The following CPE variants were observed in gnomAD, a reference collection of about 807,000 sequenced individuals.
CPE encodes the protein carboxypeptidase E.
In CPE, 17 loss-of-function variants were observed where a neutral mutation model predicts 53.5. That is an observed-to-expected ratio of 0.32 (90% confidence interval 0.22 to 0.48). The LOEUF is 0.48. Among genes scored for constraint, CPE ranks in the 20% least tolerant of loss-of-function variants. CPE has a pLI of 0.99. For synonymous variants in CPE, 226 were observed against 228.8 expected (o/e 0.99, Z 0.11); for missense variants, 524 against 614.7 (o/e 0.85, Z 1.56).
chr4:165,468,195 AC>A (rs1732142151), intron 3 of CPE, among the ~76,000 whole-genome samples: 1 of 152,086 alleles, frequency 6.6e-6, no homozygotes, highest in African/African-American at 2.4e-5. Context: ...CTTTTCCAGA[AC>A]TTTCTCCTCC....
At chr4:165,457,301 A>G (rs1731918331) in intron 1 of CPE, among the ~76,000 whole-genome samples, 1 of 152,366 alleles carries the variant, frequency 6.6e-6, no homozygotes, top group Non-Finnish European at 1.5e-5. Flanking sequence ...GAAATAGTCA[A>G]TGCTACAAAT....
chr4:165,398,339 T>C lies in CPE; in HGVS notation c.307+18811T>C, dbSNP rs1305177151. On this transcript the variant is annotated intron_variant, in intron 1 of 8. Transcript: ENST00000402744. Reference sequence around the variant, plus strand: ...ACAACTGCTAATATATACACATATATACACACACATATACACATGCATACA... The same window carrying C: ...ACAACTGCTAATATATACACATATACACACACACATATACACATGCATACA... Among the ~76,000 whole-genome samples, 3 of 152,130 alleles carry C rather than the reference T, an allele frequency of 2.0e-5. No individual in the cohort carries two copies. In the East Asian group the frequency reaches 5.8e-4, roughly 29 times the overall value.
chr4:165,475,724 CT>C, intron 3 of CPE, among the ~76,000 whole-genome samples: 1 of 152,248 alleles, frequency 6.6e-6, no homozygotes, highest in Admixed American at 6.5e-5. Flanking sequence ...CAGTGTTAGG[CT>C]TTAGTTCTAC....
intron 1 of CPE, among the ~76,000 whole-genome samples, chr4:165,458,477 G>A (rs924838688): frequency 2.0e-5 from 3 of 152,118 alleles, no homozygotes; most frequent in Non-Finnish European, 4.4e-5. Context: ...TTTGTTGTTG[G>A]AGGAAGAATA....
At chr4:165,380,344 T>C (rs1461100461) in intron 1 of CPE, among the ~76,000 whole-genome samples, 1 of 152,216 alleles carries the variant, frequency 6.6e-6, no homozygotes, top group Non-Finnish European at 1.5e-5. Flanking sequence ...TTATTCCAAC[T>C]GATGTTCCCA....
At chr4:165,438,249 G>A (rs1289151045) in intron 1 of CPE, among the ~76,000 whole-genome samples, 4 of 152,078 alleles carry the variant, frequency 2.6e-5, no homozygotes, top group Non-Finnish European at 4.4e-5. Flanking sequence ...ATGTTCAGAA[G>A]GGAATGAGTA....
At chr4:165,431,870 T>C (rs897806436) in intron 1 of CPE, among the ~76,000 whole-genome samples, 1 of 152,102 alleles carries the variant, frequency 6.6e-6, no homozygotes, top group Non-Finnish European at 1.5e-5. Flanking sequence ...CTTTACAGAA[T>C]AAAGCAGACA....
At chr4:165,413,695 G>T (rs1731078489) in intron 1 of CPE, among the ~76,000 whole-genome samples, 1 of 152,184 alleles carries the variant, frequency 6.6e-6, no homozygotes, top group African/African-American at 2.4e-5. Context: ...CATGCTAGGA[G>T]TTGTGTTACA....
chr4:165,412,287 G>A (rs921556676), intron 1 of CPE, among the ~76,000 whole-genome samples: 10 of 152,104 alleles, frequency 6.6e-5, no homozygotes, highest in African/African-American at 2.4e-4. Flanking sequence ...GATTTTTTTG[G>A]TGGTGGGAAA....
chr4:165,392,855 A>G (rs1367619840), intron 1 of CPE, among the ~76,000 whole-genome samples: 1 of 148,298 alleles, frequency 6.7e-6, no homozygotes, highest in African/African-American at 2.4e-5. Context: ...GCACATATAT[A>G]GTCTGTTATA....
chr4:165,483,232 A>G (rs1166662300), intron 4 of CPE, among the ~76,000 whole-genome samples: 1 of 152,128 alleles, frequency 6.6e-6, no homozygotes, highest in Non-Finnish European at 1.5e-5. Flanking sequence ...CCACTTATAA[A>G]TGAGAGTATG....
chr4:165,401,172 C>G (rs959978737), intron 1 of CPE, among the ~76,000 whole-genome samples: 3 of 152,150 alleles, frequency 2.0e-5, no homozygotes, highest in Non-Finnish European at 2.9e-5. Context: ...TTTTCTGCGG[C>G]CTTCTCTTCT....
At chr4:165,431,374 A>G (rs1731406739) in intron 1 of CPE, among the ~76,000 whole-genome samples, 1 of 152,220 alleles carries the variant, frequency 6.6e-6, no homozygotes, top group Non-Finnish European at 1.5e-5. Context: ...GGACCGGCAG[A>G]ACTGACGTCC....
At chr4:165,403,762 C>T (rs1161648732) in intron 1 of CPE, among the ~76,000 whole-genome samples, 1 of 151,658 alleles carries the variant, frequency 6.6e-6, no homozygotes, top group Non-Finnish European at 1.5e-5. Flanking sequence ...ACCCTGGCCT[C>T]CTGACAGGAA....
At chr4:165,380,162 TG>T (rs1560863880) in intron 1 of CPE, among the ~76,000 whole-genome samples, 1 of 152,184 alleles carries the variant, frequency 6.6e-6, no homozygotes, top group Admixed American at 6.5e-5. Flanking sequence ...ATTGCCAATC[TG>T]GGGTGGTGGT....
intron 1 of CPE, among the ~76,000 whole-genome samples, chr4:165,452,687 C>T (rs73860772): frequency 0.017 from 2,657 of 152,254 alleles, 73 homozygotes; most frequent in African/African-American, 0.059. Context: ...CATCCCCTAA[C>T]TCAGCCTGTA....
rs3836621 is a variant in CPE, at chr4:165,493,917, AG to A, written c.1213+648del. On this transcript the variant is annotated intron_variant, in intron 7 of 8. Coordinates refer to ENST00000402744, the MANE Select transcript of CPE (RefSeq NM_001873.4). ...AATAAACATTGATCCAGGTCATTTTAGTTTGTCATTTGTTGGGATCTTTTCA... is the reference window on the plus strand; with the variant it reads ...AATAAACATTGATCCAGGTCATTTTATTTGTCATTTGTTGGGATCTTTTCA... Among the ~76,000 whole-genome samples, 694 of 152,278 alleles carry A rather than the reference AG, an allele frequency of 4.6e-3. 12 individuals carry two copies. In the East Asian group the frequency reaches 0.067, roughly 15 times the overall value.
At chr4:165,403,669 C>CTTT (rs368667229) in intron 1 of CPE, among the ~76,000 whole-genome samples, 2 of 132,488 alleles carry the variant, frequency 1.5e-5, no homozygotes, top group Non-Finnish European at 3.3e-5. Context: ...TAATTTCATT[C>CTTT]TTTTTTTTTT....
intron 1 of CPE, chr4:165,404,761 C>A (rs1024918885): frequency 2.6e-6 from 2 of 784,134 alleles, no homozygotes; most frequent in East Asian, 4.9e-5. Context: ...TGACCTTCCC[C>A]TGCTTGAGAC....
Sources: gnomAD v4.1 joint callset for allele counts (sites outside exome capture counted in the v4.1 genomes callset) on GRCh38, gnomAD v4.1.1 for gene constraint, MANE v1.5 for transcripts, NCBI Gene and HGNC (gene_info 2026-07-23, HGNC 2026-07-21) for gene names.